NRDE2: variants seen among roughly 807,000 people sequenced by gnomAD.
The protein encoded by NRDE2 is nuclear exosome regulator NRDE2.
Under a neutral mutation model 124.2 loss-of-function variants are expected in NRDE2, and 76 were observed. That is an observed-to-expected ratio of 0.61 (90% CI 0.51 to 0.74). The LOEUF (loss-of-function observed/expected upper bound fraction) is 0.74. Ranked by LOEUF, NRDE2 falls within the 30% of genes least tolerant of loss-of-function variation. The pLI, the probability that NRDE2 is intolerant of heterozygous loss-of-function variation, is 0.00. For synonymous variants in NRDE2, 489 were observed against 528.1 expected (o/e 0.93, Z 1.01); for missense variants, 1,314 against 1,417.3 (o/e 0.93, Z 1.17).
At chr14:90,299,029 A>C (rs1884289766) in intron 7 of NRDE2, among the ~76,000 whole-genome samples, 1 of 151,940 alleles carries the variant, frequency 6.6e-6, no homozygotes, top group Admixed American at 6.6e-5. Context: ...GCGACCAGGG[A>C]GTAAAAAGGT....
chr14:90,317,379 G>A (rs1885083634), intron 2 of NRDE2, among the ~76,000 whole-genome samples: 1 of 152,164 alleles, frequency 6.6e-6, no homozygotes, highest in African/African-American at 2.4e-5. Context: ...TGTTTTTGGA[G>A]ATGACAATGA....
At chr14:90,293,955 A>G (rs1892341719) in intron 8 of NRDE2, among the ~76,000 whole-genome samples, 1 of 152,228 alleles carries the variant, frequency 6.6e-6, no homozygotes, top group East Asian at 1.9e-4. Flanking sequence ...CTGATCCCAG[A>G]TAAATGAAAA....
At chr14:90,326,817 A>C (rs1885457296) in intron 1 of NRDE2, among the ~76,000 whole-genome samples, 2 of 152,186 alleles carry the variant, frequency 1.3e-5, no homozygotes, top group Admixed American at 6.5e-5. Context: ...GTTTCAAGTG[A>C]TTTTCAAACT....
rs1310648010 is a variant in NRDE2, at chr14:90,270,736, A to G, written c.*7600T>C. 6.0e-6 allele frequency: 1 copy of G among 165,786 alleles called. No individual in the cohort carries two copies. Among genetic ancestry groups the G allele is most frequent in the Non-Finnish European group, 1.3e-5 (1 of 77,332 alleles). The allele number at this position is 165,786 out of a possible 1,614,324, so 10.3% of individuals were successfully genotyped here. Reference sequence around the variant, plus strand: ...AAGCACCCGCTGCATTCATCTCCCAATCTGTGTTCTGGAAGGTTGTACCAG... The same window carrying G: ...AAGCACCCGCTGCATTCATCTCCCAGTCTGTGTTCTGGAAGGTTGTACCAG... On this transcript the variant is annotated 3_prime_UTR_variant, in exon 14 of 14. Coordinates refer to ENST00000354366, the MANE Select transcript of NRDE2 (RefSeq NM_017970.4).
chr14:90,325,921 G>GT (rs749149275), intron 1 of NRDE2, among the ~76,000 whole-genome samples: 12 of 152,002 alleles, frequency 7.9e-5, no homozygotes, highest in African/African-American at 2.2e-4. Context: ...GGAGTTTAAC[G>GT]TTTTTTTTAA....
intron 1 of NRDE2, among the ~76,000 whole-genome samples, chr14:90,325,539 G>C (rs1322521904): frequency 6.6e-6 from 1 of 151,480 alleles, no homozygotes; most frequent in Non-Finnish European, 1.5e-5. Flanking sequence ...GCTTTTTTTT[G>C]TTCTGAGATG....
At chr14:90,330,217 ATAAAT>A (rs1885625988) in intron 1 of NRDE2, among the ~76,000 whole-genome samples, 1 of 131,266 alleles carries the variant, frequency 7.6e-6, no homozygotes, top group Non-Finnish European at 1.6e-5. Flanking sequence ...AAAAAAAAAA[ATAAAT>A]AAATAAATAA....
intron 7 of NRDE2, among the ~76,000 whole-genome samples, chr14:90,298,677 G>GT (rs1295417489): frequency 6.6e-6 from 1 of 152,132 alleles, no homozygotes; most frequent in African/African-American, 2.4e-5. Context: ...GTGATGGGGG[G>GT]TCACTCCCGG....
At position 90,272,136 on chromosome 14, in the gene NRDE2, C is replaced by T. The variant is rs1483946327; in HGVS notation, c.*6200G>A. 1.2e-6 allele frequency: 1 copy of T among 860,570 alleles called. No homozygotes were observed. The highest frequency in any genetic ancestry group is 1.8e-6 in the Non-Finnish European group (1 of 569,680). The allele number at this position is 860,570 out of a possible 1,614,324, so 53.3% of individuals were successfully genotyped here. A position where few individuals can be genotyped will look rare whatever the true frequency, so the allele number is the denominator to read the frequency against. On this transcript the variant is annotated 3_prime_UTR_variant, in exon 14 of 14. Coordinates refer to ENST00000354366, the MANE Select transcript of NRDE2 (RefSeq NM_017970.4). This position sits in a 1 kb window ranked among gnomAD's most constrained non-coding sequence, Gnocchi z 4.5. The stretch of plus-strand genomic sequence containing the variant: ...CTTGAACTCCTGACCTTAGGCGATC[C>T]ACCTGCCTCGGCCTCCCAGAGTGCT...
rs747439373 is a variant in NRDE2, at chr14:90,318,120, A to G, written c.65-7T>C. 1 of 1,598,954 alleles carries G rather than the reference A, an allele frequency of 6.3e-7. No homozygotes were observed. The highest frequency in any genetic ancestry group is 8.6e-7 in the Non-Finnish European group (1 of 1,168,822). ...TTGCTCAGCCAGTCTAACTCTGCACAGGCAAAAGGAGAAAAGATCAATGAA... is the reference window on the plus strand; with the variant it reads ...TTGCTCAGCCAGTCTAACTCTGCACGGGCAAAAGGAGAAAAGATCAATGAA... On this transcript the variant is annotated splice_polypyrimidine_tract_variant and splice_region_variant and intron_variant, in intron 1 of 13. Coordinates refer to ENST00000354366, the MANE Select transcript of NRDE2 (RefSeq NM_017970.4).
Position 90,268,465 on chromosome 14 carries a change from C to A in NRDE2, c.*9871G>T. ...TTGTTTAGTAGGGAACACCGCATAG[C>A]TCTTCTCTTGAGAATGAGCAATCTC... On this transcript the variant is annotated 3_prime_UTR_variant, in exon 14 of 14. Coordinates refer to ENST00000354366, the MANE Select transcript of NRDE2 (RefSeq NM_017970.4). The A allele has an allele frequency of 6.4e-7, 1 of 1,560,606 alleles. No individual in the cohort carries two copies. The highest frequency in any genetic ancestry group is 1.7e-5 in the Admixed American group (1 of 57,912).
In NRDE2 at chr14:90,277,346, C is replaced by CA. The variant is rs1891826847; in HGVS notation, c.*989dup. On this transcript the variant is annotated 3_prime_UTR_variant, in exon 14 of 14. Coordinates refer to ENST00000354366, the MANE Select transcript of NRDE2 (RefSeq NM_017970.4). The stretch of plus-strand genomic sequence containing the variant: ...CAATTCTAAAGAGAGGAAAACAAAA[C>CA]AAAAAAAGCCAGAGAGAAGCTAGCC... 1 of 152,068 alleles carries CA rather than the reference C, an allele frequency of 6.6e-6. No homozygotes were observed. The allele number at this position is 152,068 out of a possible 1,614,324, so 9.4% of individuals were successfully genotyped here.
In NRDE2 at chr14:90,298,312, C is replaced by T. The variant is rs1312089658; in HGVS notation, c.1614G>A (p.Trp538Ter). ...PRAGEKGARG[W>*]KAWMHQQERG... is the part of the protein sequence containing the mutation. ...GTTCCTGCTGGTGCATCCACGCCTT[C>T]CAGCCTCGGGCTCCCTTCTCCCCAG... Residue 538 changes from tryptophan (W) to a stop codon, truncating the protein, a stop_gained, in exon 8 of 14, where the codon TGG (tryptophan) becomes TGA (stop). Transcript: ENST00000354366. LOFTEE classifies it high-confidence loss of function. The T allele has an allele frequency of 6.2e-7, 1 of 1,613,750 alleles. No homozygotes were observed. The highest frequency in any genetic ancestry group is 8.5e-7 in the Non-Finnish European group (1 of 1,179,986).
intron 1 of NRDE2, among the ~76,000 whole-genome samples, chr14:90,319,151 G>C (rs11845387): frequency 0.3 from 46,249 of 151,938 alleles, 7,073 homozygotes; most frequent in South Asian, 0.35. Flanking sequence ...TAGCTGTGAA[G>C]GGAAGAAAAA....
At chr14:90,301,436 T>G (rs1884399546) in intron 6 of NRDE2, 64 bp from the exon 7 acceptor site, 1 of 1,531,988 alleles carries the variant, frequency 6.5e-7, no homozygotes, top group East Asian at 2.3e-5. Flanking sequence ...AGAACCTAAC[T>G]TCTCAAAACA....
intron 1 of NRDE2, among the ~76,000 whole-genome samples, chr14:90,318,553 A>G (rs988786120): frequency 6.6e-6 from 1 of 152,152 alleles, no homozygotes; most frequent in Admixed American, 6.6e-5. Flanking sequence ...TAATCCCAGC[A>G]CTTTGGGAGG....
rs1436425496 is a variant in NRDE2 at position 90,331,838 on chromosome 14, T to C, written c.64+3A>G. The C allele has an allele frequency of 2.5e-6, 4 of 1,614,086 alleles. No homozygotes were observed. The highest frequency in any genetic ancestry group is 3.4e-6 in the Non-Finnish European group (4 of 1,180,024). On this transcript the variant is annotated splice_donor_region_variant and intron_variant, in intron 1 of 13. Transcript: ENST00000354366. ...GCCTTCTTCGGCTCGTTTGTGTGCTTACCTTTCCTGGAGCTCCCGCCATCG... is the reference window on the plus strand; with the variant it reads ...GCCTTCTTCGGCTCGTTTGTGTGCTCACCTTTCCTGGAGCTCCCGCCATCG...
chr14:90,325,870 C>A (rs1885410288), intron 1 of NRDE2, among the ~76,000 whole-genome samples: 1 of 152,134 alleles, frequency 6.6e-6, no homozygotes, highest in Admixed American at 6.5e-5. Flanking sequence ...GAGAACAGCA[C>A]CCCTCTCACT....
intron 4 of NRDE2, among the ~76,000 whole-genome samples, 183 bp downstream of exon 4, chr14:90,312,211 A>T (rs1374585107): frequency 6.6e-6 from 1 of 152,234 alleles, no homozygotes; most frequent in African/African-American, 2.4e-5. Flanking sequence ...ATCTGACTTG[A>T]CTTCAAGTGT....
Sources: allele counts gnomAD v4.1 joint callset (sites outside exome capture counted in the v4.1 genomes callset), GRCh38; gene constraint gnomAD v4.1.1; non-coding constraint Gnocchi (gnomAD v3.1); transcripts MANE v1.5; gene names NCBI Gene and HGNC (gene_info 2026-07-23, HGNC 2026-07-21).